The following CCDC88C variants were observed in gnomAD, a reference collection of about 807,000 sequenced individuals.
CCDC88C encodes the protein coiled-coil and HOOK domain protein 88C, also known as protein Daple.
Under a neutral mutation model 198.8 loss-of-function variants are expected in CCDC88C, and 131 were observed. That is an observed-to-expected ratio of 0.66 (90% CI 0.57 to 0.76). The LOEUF is 0.76. Among genes scored for constraint, CCDC88C ranks in the 30% least tolerant of loss-of-function variants. The pLI is 0.00. For synonymous variants in CCDC88C, 1,166 were observed against 1,114.7 expected, an observed-to-expected ratio of 1.05 and a Z score of -0.92; for missense variants, 2,553 against 2,631.6, an observed-to-expected ratio of 0.97 and a Z score of 0.65.
At chr14:91,385,451 G>A (rs1290808940) in intron 3 of CCDC88C, among the ~76,000 whole-genome samples, 1 of 151,976 alleles carries the variant, frequency 6.6e-6, no homozygotes, top group Non-Finnish European at 1.5e-5. Flanking sequence ...AAGGTTCCCA[G>A]GAGGAGGAGC....
At chr14:91,283,289 A>C (rs1555414618) in intron 26 of CCDC88C, 40 bp downstream of exon 26, 6 of 1,594,008 alleles carry the variant, frequency 3.8e-6, no homozygotes, top group Non-Finnish European at 4.3e-6. Flanking sequence ...GAAGGACACT[A>C]GGCCCGACGC....
intron 4 of CCDC88C, among the ~76,000 whole-genome samples, chr14:91,350,920 A>T (rs1893755423): frequency 6.6e-6 from 1 of 152,216 alleles, no homozygotes; most frequent in Admixed American, 6.5e-5. Flanking sequence ...AAATAGAAGG[A>T]TGCAGCTCAG....
chr14:91,328,037 C>T (rs1281007827), intron 10 of CCDC88C, among the ~76,000 whole-genome samples: 2 of 152,136 alleles, frequency 1.3e-5, no homozygotes, highest in Non-Finnish European at 2.9e-5. Context: ...GAACCTCAGG[C>T]AGGACTGTTG....
chr14:91,369,915 C>T (rs1051353749), intron 3 of CCDC88C, among the ~76,000 whole-genome samples: 14 of 152,324 alleles, frequency 9.2e-5, no homozygotes, highest in African/African-American at 2.6e-4. Context: ...CAACTCGGCC[C>T]GGCCGAGGCT....
rs778210068 is a variant in CCDC88C, at chr14:91,339,919, G to C, written c.589C>G (p.Arg197Gly). 6.3e-7 allele frequency: 1 copy of C among 1,593,364 alleles called. No individual in the cohort carries two copies. Residue 197 changes from arginine (R) to glycine (G), a missense_variant, in exon 7 of 30, where the codon CGG becomes GGG. By Grantham distance (125) the Arg-to-Gly change is moderately radical. Transcript: ENST00000389857. The surrounding 1 kb of genome is among the most constrained non-coding windows in gnomAD (Gnocchi z 5.8). ...TCGTCCCGCTGGTCGATGAGCCTCC[G>C]CAGGTGGAGCACCATGCTCCTCGAC... ...ALSRSMVLHL[R>G]RLIDQRDECT...
At position 91,313,550 on chromosome 14, in the gene CCDC88C, G is replaced by C. The variant is rs774199298; in HGVS notation, c.2266C>G (p.Arg756Gly). Residue 756 changes from arginine to glycine, a missense_variant, in exon 15 of 30, where the codon CGC (arginine) becomes GGC (glycine). This residue lies in a region of CCDC88C where 1,260 missense variants were observed against 1,412.0 expected (regional missense o/e 0.89). Transcript: ENST00000389857. This position sits in a 1 kb window ranked among gnomAD's most constrained non-coding sequence, Gnocchi z 5.2. ...ACGCTCTGGTAGCTGAGCTCCAGGC[G>C]CTCTGACTTCTTGCCCAGCGCCTTG... ...LLKALGKKSE[R>G]LELSYQSVSA... is the part of the protein sequence containing the mutation. The C allele has an allele frequency of 6.2e-7, 1 of 1,610,746 alleles. No homozygotes were observed. Among genetic ancestry groups the C allele is most frequent in the Non-Finnish European group, 8.5e-7 (1 of 1,179,876 alleles).
At chr14:91,278,435 C>T (rs564986764) in intron 28 of CCDC88C, among the ~76,000 whole-genome samples, 5 of 152,344 alleles carry the variant, frequency 3.3e-5, no homozygotes, top group African/African-American at 1.2e-4. Flanking sequence ...AAAGCTTCTG[C>T]TGAAGTTTAA....
intron 22 of CCDC88C, among the ~76,000 whole-genome samples, chr14:91,294,976 G>A (rs1040166154): frequency 6.6e-6 from 1 of 152,180 alleles, no homozygotes; most frequent in Non-Finnish European, 1.5e-5. Context: ...GCCAACTTCT[G>A]TTCTAGAGTA....
intron 3 of CCDC88C, among the ~76,000 whole-genome samples, chr14:91,386,737 G>A (rs144738925): frequency 5.9e-5 from 9 of 152,328 alleles, no homozygotes; most frequent in African/African-American, 1.9e-4. Context: ...GAAGCCTTGT[G>A]GATTCCATCT....
intron 25 of CCDC88C, among the ~76,000 whole-genome samples, chr14:91,283,919 G>T (rs1890302586): frequency 6.6e-6 from 1 of 152,214 alleles, no homozygotes; most frequent in African/African-American, 2.4e-5. Flanking sequence ...TGTAGCTGAG[G>T]ATCCGAAGGT....
chr14:91,308,651 C>T (rs1435071631), intron 16 of CCDC88C, among the ~76,000 whole-genome samples, 159 bp from the exon 17 acceptor site: 2 of 152,188 alleles, frequency 1.3e-5, no homozygotes, highest in Non-Finnish European at 2.9e-5. Context: ...CTCATCTTCC[C>T]AGAGCCCTTT....
At position 91,272,487 on chromosome 14, in the gene CCDC88C, C is replaced by A; in HGVS notation, c.*138G>T. ...TGGCACAGTGTTTCCATTCACAGAA[C>A]AAACAGCAGAAATGCGTGGGAACCC... On this transcript the variant is annotated 3_prime_UTR_variant, in exon 30 of 30. Coordinates refer to ENST00000389857, the MANE Select transcript of CCDC88C (RefSeq NM_001080414.4). The A allele has an allele frequency of 1.1e-6, 1 of 870,976 alleles. No individual in the cohort carries two copies. Among genetic ancestry groups the A allele is most frequent in the Non-Finnish European group, 1.8e-6 (1 of 568,466 alleles). The allele number at this position is 870,976 out of a possible 1,614,324, so 54.0% of individuals were successfully genotyped here. A position where few individuals can be genotyped will look rare whatever the true frequency, so the allele number is the denominator to read the frequency against.
intron 23 of CCDC88C, 83 bp from the exon 24 acceptor site, chr14:91,291,167 T>G: frequency 1.3e-6 from 1 of 786,766 alleles, no homozygotes; most frequent in South Asian, 1.5e-5. Flanking sequence ...GCCTGGAACC[T>G]GGTGTACCCG....
chr14:91,364,541 G>A (rs981074180), intron 3 of CCDC88C, among the ~76,000 whole-genome samples: 3 of 152,126 alleles, frequency 2.0e-5, no homozygotes, highest in Non-Finnish European at 2.9e-5. Flanking sequence ...AATCTCACAA[G>A]GGGAGAGGGC....
chr14:91,396,865 T>C (rs1225184492), intron 3 of CCDC88C, among the ~76,000 whole-genome samples: 1 of 152,088 alleles, frequency 6.6e-6, no homozygotes, highest in Non-Finnish European at 1.5e-5. Context: ...CCAGAAGTGG[T>C]GGTGCATGCT....
Position 91,339,041 on chromosome 14 carries a change from G to T in CCDC88C, c.809+237C>A, listed in dbSNP as rs1444610453. 8 of 617,026 alleles carry T rather than the reference G, an allele frequency of 1.3e-5. No homozygotes were observed. The highest frequency in any genetic ancestry group is 2.1e-5 in the Non-Finnish European group (7 of 337,870). 38.2% of individuals were successfully genotyped at this position (617,026 alleles called of 1,614,324 possible). On this transcript the variant is annotated intron_variant, in intron 8 of 29. Transcript: ENST00000389857. This position sits in a 1 kb window ranked among gnomAD's most constrained non-coding sequence, Gnocchi z 5.8. ...GCTGCTTCTGTGGACAACTTGCACCGTCTGGACGGGAGGAAACCCTGAAGA... is the reference window on the plus strand; with the variant it reads ...GCTGCTTCTGTGGACAACTTGCACCTTCTGGACGGGAGGAAACCCTGAAGA...
chr14:91,380,623 T>A (rs1029561121), intron 3 of CCDC88C, among the ~76,000 whole-genome samples: 2 of 152,182 alleles, frequency 1.3e-5, no homozygotes, highest in Admixed American at 6.5e-5. Flanking sequence ...CACTTCTCCA[T>A]CAGAATGTGC....
At chr14:91,411,510 A>T (rs906789145) in intron 2 of CCDC88C, among the ~76,000 whole-genome samples, 1 of 152,208 alleles carries the variant, frequency 6.6e-6, no homozygotes, top group Non-Finnish European at 1.5e-5. Flanking sequence ...TCATCTTTAT[A>T]TGATAGTCCT....
intron 27 of CCDC88C, 37 bp downstream of exon 27, chr14:91,281,420 A>C: frequency 6.2e-7 from 1 of 1,612,644 alleles, no homozygotes; most frequent in Non-Finnish European, 8.5e-7. Flanking sequence ...CCAGTCTGGA[A>C]ACCCAGGCTG....
Sources: allele counts gnomAD v4.1 joint callset (sites outside exome capture counted in the v4.1 genomes callset), GRCh38; gene constraint gnomAD v4.1.1; regional missense constraint gnomAD v4.1.1; non-coding constraint Gnocchi (gnomAD v3.1); transcripts MANE v1.5; gene names NCBI Gene and HGNC (gene_info 2026-07-23, HGNC 2026-07-21).